The following PDE4D variants were observed in gnomAD, a reference collection of about 807,000 sequenced individuals.
PDE4D encodes 3',5'-cyclic-AMP phosphodiesterase 4D.
A neutral mutation model predicts 87.4 loss-of-function variants in PDE4D; 24 were observed. The ratio of observed to expected loss-of-function variants is 0.27; its 90% confidence interval spans 0.20 to 0.39. The LOEUF (loss-of-function observed/expected upper bound fraction) is 0.39, where lower values mean the gene tolerates loss of function less well. Among genes scored for constraint, PDE4D ranks in the 10% least tolerant of loss-of-function variants. PDE4D has a pLI of 1.00. For synonymous variants in PDE4D, 384 were observed against 383.2 expected, an observed-to-expected ratio of 1.00 and a Z score of -0.02; for missense variants, 714 against 1,041.0, an observed-to-expected ratio of 0.69 and a Z score of 4.32.
In PDE4D at chr5:59,458,033, G is replaced by A. The variant is rs115513365; in HGVS notation, c.456-242065C>T. On this transcript the variant is annotated intron_variant, in intron 1 of 14. Transcript: ENST00000340635. ...AATCTGACTCCTTATTCTTGTTACT[G>A]GACCATATTGACTTCTGATCTGCTT... 8.7e-3 allele frequency among the ~76,000 whole-genome samples: 1,328 copies of A among 152,222 alleles called. 18 individuals carry two copies. The highest frequency in any genetic ancestry group is 0.031 in the African/African-American group (1,269 of 41,518).
intron 1 of PDE4D, among the ~76,000 whole-genome samples, chr5:59,764,407 A>C (rs1432314847): frequency 6.6e-6 from 1 of 152,188 alleles, no homozygotes; most frequent in Non-Finnish European, 1.5e-5. Flanking sequence ...GGGAAACTGA[A>C]GCACACGTTA....
chr5:59,780,176 C>T (rs1581072707), intron 1 of PDE4D, among the ~76,000 whole-genome samples: 1 of 152,086 alleles, frequency 6.6e-6, no homozygotes, highest in Admixed American at 6.6e-5. Flanking sequence ...CCAGCCTGGC[C>T]AACATGGCGA....
intron 2 of PDE4D, among the ~76,000 whole-genome samples, chr5:59,999,806 A>G (rs1043318760): frequency 6.6e-6 from 1 of 152,088 alleles, no homozygotes; most frequent in African/African-American, 2.4e-5. Flanking sequence ...AAGAAGTTCA[A>G]TGTGCTAGAA....
chr5:59,434,839 C>T (rs1796584358), intron 1 of PDE4D, among the ~76,000 whole-genome samples: 1 of 152,054 alleles, frequency 6.6e-6, no homozygotes, highest in African/African-American at 2.4e-5. Flanking sequence ...TTGATAGTAA[C>T]AATAATATTA....
chr5:59,759,883 G>A (rs1191208464), intron 1 of PDE4D, among the ~76,000 whole-genome samples: 2 of 152,108 alleles, frequency 1.3e-5, no homozygotes, highest in African/African-American at 4.8e-5. Flanking sequence ...TCTTCTCCGG[G>A]TATTATTACC....
intron 2 of PDE4D, among the ~76,000 whole-genome samples, chr5:60,165,358 T>C (rs13174597): frequency 0.059 from 8,875 of 151,338 alleles, 290 homozygotes; most frequent in Middle Eastern, 0.088. Context: ...TCTGTTCCAT[T>C]GGTCTATCTG....
chr5:59,825,309 T>C (rs1415413225), intron 1 of PDE4D, among the ~76,000 whole-genome samples: 1 of 152,208 alleles, frequency 6.6e-6, no homozygotes, highest in Non-Finnish European at 1.5e-5. Flanking sequence ...AACCCAGGCC[T>C]ACGCTGAAGA....
chr5:59,938,730 C>T lies in PDE4D; in HGVS notation c.272+49758G>A, dbSNP rs79696834. 5.6e-3 allele frequency among the ~76,000 whole-genome samples: 855 copies of T among 152,268 alleles called. 6 individuals are homozygous for T. The highest frequency in any genetic ancestry group is 0.037 in the Middle Eastern group (11 of 294). On this transcript the variant is annotated intron_variant, in intron 3 of 16. Transcript: ENST00000502484. ...TGTCTTTCCTGCTAGCAAGGCCTAC[C>T]CATTCAATCTGTCCAAATTTCATCT... is the stretch of plus-strand genomic sequence containing the variant.
chr5:58,999,784 T>A (rs1750093015), intron 6 of PDE4D: 2 of 1,015,802 alleles, frequency 2.0e-6, no homozygotes, highest in African/African-American at 3.4e-5. Context: ...CTATTCTGAA[T>A]AAAGAAAATC....
At chr5:59,363,853 G>T (rs983626199) in intron 1 of PDE4D, among the ~76,000 whole-genome samples, 4 of 152,142 alleles carry the variant, frequency 2.6e-5, no homozygotes, top group African/African-American at 7.2e-5. Context: ...GGGCTGAGTG[G>T]GTTCAACTGT....
intron 1 of PDE4D, among the ~76,000 whole-genome samples, chr5:60,211,162 A>C (rs992876722): frequency 3.9e-5 from 6 of 152,098 alleles, no homozygotes; most frequent in Non-Finnish European, 8.8e-5. Context: ...CCAAGAACGA[A>C]ACCGTCATTC....
intron 1 of PDE4D, among the ~76,000 whole-genome samples, chr5:59,594,494 T>C (rs1826384094): frequency 6.6e-6 from 1 of 151,856 alleles, no homozygotes; most frequent in South Asian, 2.1e-4. Context: ...CTAATTTTCG[T>C]GTTTTCAGTA....
At chr5:59,533,874 T>C (rs945167113) in intron 1 of PDE4D, among the ~76,000 whole-genome samples, 15 of 152,202 alleles carry the variant, frequency 9.9e-5, no homozygotes, top group Admixed American at 4.6e-4. Flanking sequence ...ATAGTGTATA[T>C]GAAAAAGCAC....
intron 2 of PDE4D, among the ~76,000 whole-genome samples, chr5:60,093,588 C>T (rs927973102): frequency 2.6e-5 from 4 of 152,148 alleles, no homozygotes; most frequent in African/African-American, 9.7e-5. Flanking sequence ...CTTACCCCCA[C>T]TCTGTCTTGA....
intron 1 of PDE4D, among the ~76,000 whole-genome samples, chr5:59,724,174 G>C (rs1756263536): frequency 7.2e-5 from 11 of 152,030 alleles, no homozygotes; most frequent in Admixed American, 7.2e-4. Flanking sequence ...AACCTGGAGA[G>C]AATAGCCTGA....
In PDE4D at chr5:59,045,860, C is replaced by A. The variant is rs189531516; in HGVS notation, c.809-6889G>T. On this transcript the variant is annotated intron_variant, in intron 5 of 14. Coordinates refer to ENST00000340635, the MANE Select transcript of PDE4D (RefSeq NM_001104631.2). ...AAGTCAGTGCAACCATTATCTTTGA[C>A]CATATTAAGAATAAAATTAAATAAC... 1.1e-4 allele frequency among the ~76,000 whole-genome samples: 17 copies of A among 152,272 alleles called. No homozygotes were observed. The East Asian group carries it at 2.7e-3, about 24-fold the overall frequency.
At chr5:60,201,314 TAC>T (rs138219296) in intron 1 of PDE4D, among the ~76,000 whole-genome samples, 9 of 150,218 alleles carry the variant, frequency 6.0e-5, no homozygotes, top group Admixed American at 2.0e-4. Flanking sequence ...ATATAATTGC[TAC>T]ACACACACAC....
chr5:60,441,501 C>G (rs751115508), intron 1 of PDE4D, among the ~76,000 whole-genome samples: 9 of 152,122 alleles, frequency 5.9e-5, no homozygotes, highest in Non-Finnish European at 1.0e-4. Flanking sequence ...AAAACCTAGG[C>G]AATACCATTG....
At chr5:59,372,682 C>T (rs1311861699) in intron 1 of PDE4D, among the ~76,000 whole-genome samples, 8 of 152,224 alleles carry the variant, frequency 5.3e-5, no homozygotes, top group Non-Finnish European at 1.2e-4. Context: ...ACTGTGCACA[C>T]AGGCTCCAGC....
Sources: allele counts gnomAD v4.1 joint callset (sites outside exome capture counted in the v4.1 genomes callset), GRCh38; gene constraint gnomAD v4.1.1; transcripts MANE v1.5; gene names NCBI Gene and HGNC (gene_info 2026-07-23, HGNC 2026-07-21).